Variants in ABCG2 observed in about 807,000 individuals in gnomAD.
The protein encoded by ABCG2 is broad substrate specificity ATP-binding cassette transporter ABCG2.
A neutral mutation model predicts 73.5 loss-of-function variants in ABCG2; 80 were observed. That is an observed-to-expected ratio of 1.09 (90% CI 0.91 to 1.31). The LOEUF is 1.31. ABCG2 is among the 50% of genes most tolerant of loss of function. The pLI, the probability that ABCG2 is intolerant of heterozygous loss-of-function variation, is 0.00. For synonymous variants in ABCG2, 269 were observed against 282.4 expected (o/e 0.95, Z 0.48); for missense variants, 796 against 786.2 (o/e 1.01, Z -0.15).
intron 15 of ABCG2, among the ~76,000 whole-genome samples, chr4:88,093,440 C>T (rs180714803): frequency 1.4e-5 from 2 of 146,106 alleles, no homozygotes; most frequent in African/African-American, 5.1e-5. Context: ...GGAGGTGGAG[C>T]TTGCAGTGAG....
chr4:88,099,544 G>A, intron 11 of ABCG2, 96 bp from the exon 12 acceptor site: 7 of 1,301,748 alleles, frequency 5.4e-6, no homozygotes, highest in Non-Finnish European at 6.2e-6. Flanking sequence ...CTGACAGCAG[G>A]GGTTGAACAA....
In ABCG2 at chr4:88,101,166, A is replaced by G. The variant is rs956266107; in HGVS notation, c.1367+64T>C. ...CATCCTTGGCCCCAACCCCAGATGT[A>G]ATCAGTCTAACCAATAGCCCCTGCT... On this transcript the variant is annotated intron_variant, in intron 11 of 15. Coordinates refer to ENST00000237612, the MANE Select transcript of ABCG2 (RefSeq NM_004827.3). 6.4e-6 allele frequency: 9 copies of G among 1,409,126 alleles called. No homozygotes were observed. The East Asian group carries it at 6.9e-5, about 11-fold the overall frequency. The allele number at this position is 1,409,126 out of a possible 1,614,324, so 87.3% of individuals were successfully genotyped here.
At chr4:88,096,215 CAA>C (rs1326595030) in intron 13 of ABCG2, among the ~76,000 whole-genome samples, 1 of 152,094 alleles carries the variant, frequency 6.6e-6, no homozygotes, top group Non-Finnish European at 1.5e-5. Flanking sequence ...TTAAAGCTGC[CAA>C]AAAGCAATAG....
At chr4:88,127,391 A>G (rs1258099219) in intron 5 of ABCG2, among the ~76,000 whole-genome samples, 1 of 152,192 alleles carries the variant, frequency 6.6e-6, no homozygotes, top group East Asian at 1.9e-4. Flanking sequence ...GCTACCATTG[A>G]CTTTCTTCAC....
intron 12 of ABCG2, 116 bp downstream of exon 12, chr4:88,099,208 T>C (rs1275424828): frequency 1.0e-6 from 1 of 981,796 alleles, no homozygotes; most frequent in Admixed American, 2.9e-5. Context: ...GGTGTTTCCT[T>C]ATCTCATGGT....
rs780145014 is a variant in ABCG2, at chr4:88,107,312, G to C, written c.1195-46C>G. On this transcript the variant is annotated intron_variant, in intron 9 of 15. Coordinates refer to ENST00000237612, the MANE Select transcript of ABCG2 (RefSeq NM_004827.3). ...AAAAAAAGGGGAAGAGTTTCAATTA[G>C]AGATAAAAACTTATACACACCATTT... is the stretch of plus-strand genomic sequence containing the variant. 6 of 1,380,226 alleles carry C rather than the reference G, an allele frequency of 4.3e-6. No homozygotes were observed. The African/African-American group carries it at 7.3e-5, about 17-fold the overall frequency. The allele number at this position is 1,380,226 out of a possible 1,614,324, so 85.5% of individuals were successfully genotyped here.
chr4:88,158,736 C>G (rs1727131308), upstream of ABCG2: 1 of 413,608 alleles, frequency 2.4e-6, no homozygotes, highest in East Asian at 9.0e-5. Flanking sequence ...CCGGCGCGCC[C>G]GAGCGCTCCC....
chr4:88,189,347 C>T (rs1728589956), intron 1 of ABCG2, among the ~76,000 whole-genome samples: 1 of 151,828 alleles, frequency 6.6e-6, no homozygotes, highest in Admixed American at 6.6e-5. Context: ...CACACCTTCT[C>T]CACAAAAAAT....
In ABCG2 at chr4:88,090,516, T is replaced by A. The variant is rs963577925; in HGVS notation, c.*1718A>T. On this transcript the variant is annotated 3_prime_UTR_variant, in exon 16 of 16. Transcript: ENST00000237612. The stretch of plus-strand genomic sequence containing the variant: ...AATGTGTTCCAAGATGACGCATTAA[T>A]CAAATGTCATCCAAAAAGAAAAAAG... 11 of 152,170 alleles carry A rather than the reference T, an allele frequency of 7.2e-5. No individual in the cohort carries two copies. Among genetic ancestry groups the A allele is most frequent in the African/African-American group, 2.7e-4 (11 of 41,432 alleles). 9.4% of individuals were successfully genotyped at this position (152,170 alleles called of 1,614,324 possible). A position where few individuals can be genotyped will look rare whatever the true frequency, so the allele number is the denominator to read the frequency against.
chr4:88,138,632 T>C (rs556144864), intron 2 of ABCG2, among the ~76,000 whole-genome samples: 2 of 152,282 alleles, frequency 1.3e-5, no homozygotes, highest in South Asian at 2.1e-4. Context: ...AGCCAGCAGA[T>C]AGGAGAAAGA....
intron 15 of ABCG2, 35 bp from the exon 16 acceptor site, chr4:88,092,416 C>G: frequency 6.3e-7 from 1 of 1,593,682 alleles, no homozygotes; most frequent in Non-Finnish European, 8.5e-7. Context: ...TAACTTCATT[C>G]CTAGCATCCG....
chr4:88,227,784 A>G (rs767251057), intron 1 of ABCG2, among the ~76,000 whole-genome samples: 4 of 152,242 alleles, frequency 2.6e-5, no homozygotes, highest in Non-Finnish European at 5.9e-5. Flanking sequence ...AAGTAGAAAT[A>G]GGATTATTTT....
At chr4:88,173,566 C>A (rs1000261345) in intron 1 of ABCG2, among the ~76,000 whole-genome samples, 1 of 152,174 alleles carries the variant, frequency 6.6e-6, no homozygotes, top group African/African-American at 2.4e-5. Flanking sequence ...GATATGGATT[C>A]TATTTTTCAA....
chr4:88,182,118 A>C (rs1728277791), intron 1 of ABCG2, among the ~76,000 whole-genome samples: 1 of 152,288 alleles, frequency 6.6e-6, no homozygotes, highest in South Asian at 2.1e-4. Context: ...TAAAAAGAGA[A>C]GATGTAGCTA....
intron 1 of ABCG2, among the ~76,000 whole-genome samples, chr4:88,177,341 C>G (rs1425698898): frequency 6.6e-6 from 1 of 151,352 alleles, no homozygotes; most frequent in Non-Finnish European, 1.5e-5. Flanking sequence ...CCACGGCACT[C>G]CAGCCTGGGC....
chr4:88,115,015 C>T lies in ABCG2; in HGVS notation c.885G>A (p.Leu295=). The change falls in exon 8 of 16, where the codon TTG becomes TTA. Residue 295 remains leucine (L), a synonymous_variant. Transcript: ENST00000237612. ...CAGTGGAATCTCCATTAATGATGTC[C>T]AAGAAGAAGTCTGCAGGGTTATTAT... The part of the protein sequence containing the change: ...EAYNNPADFF[L]DIINGDSTAV... 1 of 1,613,078 alleles carries T rather than the reference C, an allele frequency of 6.2e-7. No individual in the cohort carries two copies. Among genetic ancestry groups the T allele is most frequent in the Non-Finnish European group, 8.5e-7 (1 of 1,179,540 alleles).
At chr4:88,127,987 C>T (rs891187615) in intron 5 of ABCG2, among the ~76,000 whole-genome samples, 1 of 147,792 alleles carries the variant, frequency 6.8e-6, no homozygotes, top group Admixed American at 6.8e-5. Context: ...TCAGAGTGAA[C>T]AGGCAACCTA....
intron 2 of ABCG2, among the ~76,000 whole-genome samples, chr4:88,134,860 T>C (rs1725135730): frequency 6.6e-6 from 1 of 152,204 alleles, no homozygotes; most frequent in Non-Finnish European, 1.5e-5. Context: ...ATTTACTGTG[T>C]ACATACAAGA....
At chr4:88,159,352 A>G (rs1360872551), upstream of ABCG2, 5 of 379,600 alleles carry the variant, frequency 1.3e-5, no homozygotes, top group Non-Finnish European at 2.7e-5. Context: ...GATTCTGAGA[A>G]AGTGGATGCT....
Sources: gnomAD v4.1 joint callset for allele counts (sites outside exome capture counted in the v4.1 genomes callset) on GRCh38, gnomAD v4.1.1 for gene constraint, MANE v1.5 for transcripts, NCBI Gene and HGNC (gene_info 2026-07-23, HGNC 2026-07-21) for gene names.